The following CA10 variants were observed in gnomAD, a reference collection of about 807,000 sequenced individuals.
The protein encoded by CA10 is carbonic anhydrase-related protein 10.
Under a neutral mutation model 44.2 loss-of-function variants are expected in CA10, and 14 were observed. The observed-to-expected ratio is 0.32, with a 90% CI of 0.21 to 0.50. The LOEUF (loss-of-function observed/expected upper bound fraction) is 0.50. Ranked by LOEUF, CA10 falls within the 20% of genes least tolerant of loss-of-function variation. The pLI is 0.99. For missense variants in CA10, 350 were observed against 409.7 expected, an observed-to-expected ratio of 0.85 and a Z score of 1.26; for synonymous variants, 159 against 141.6, an observed-to-expected ratio of 1.12 and a Z score of -0.87.
At chr17:52,042,375 G>A (rs909354656) in intron 2 of CA10, among the ~76,000 whole-genome samples, 2 of 151,702 alleles carry the variant, frequency 1.3e-5, no homozygotes, top group African/African-American at 4.8e-5. Flanking sequence ...GTACCTGCTG[G>A]TCAATTGTAT....
chr17:51,931,050 G>C lies in CA10; in HGVS notation c.219C>G (p.Thr73=). The part of the protein sequence containing the change: ...GKRQSPVNIE[T]SHMIFDPFLT... ...GAAAGGGGTCGAAGATCATGTGACT[G>C]GTCTCTATGTTGACTGGCGACTGCC... Residue 73 remains threonine, a synonymous_variant, in exon 3 of 9, where the codon ACC becomes ACG. Transcript: ENST00000451037. The C allele has an allele frequency of 6.2e-7, 1 of 1,613,586 alleles. No individual in the cohort carries two copies. Among genetic ancestry groups the C allele is most frequent in the East Asian group, 2.2e-5 (1 of 44,854 alleles).
intron 3 of CA10, among the ~76,000 whole-genome samples, chr17:51,862,830 A>C (rs1331694462): frequency 1.3e-5 from 2 of 151,906 alleles, no homozygotes; most frequent in Non-Finnish European, 2.9e-5. Context: ...AGAACAAACT[A>C]TCTGATGTCT....
intron 3 of CA10, among the ~76,000 whole-genome samples, chr17:51,852,132 C>T (rs565271497): frequency 6.6e-6 from 1 of 152,274 alleles, no homozygotes; most frequent in African/African-American, 2.4e-5. Flanking sequence ...GCCTTTAAAC[C>T]TTCCAGGGCC....
intron 4 of CA10, among the ~76,000 whole-genome samples, chr17:51,731,525 T>C (rs1456682117): frequency 1.3e-5 from 2 of 151,906 alleles, no homozygotes; most frequent in Non-Finnish European, 2.9e-5. Flanking sequence ...CTTCCTTTGG[T>C]GGTGGGGGGA....
At chr17:51,920,556 T>C (rs1982188893) in intron 3 of CA10, among the ~76,000 whole-genome samples, 1 of 152,170 alleles carries the variant, frequency 6.6e-6, no homozygotes, top group Non-Finnish European at 1.5e-5. Flanking sequence ...GAGACACTTA[T>C]GAAATACTAA....
intron 4 of CA10, among the ~76,000 whole-genome samples, chr17:51,738,234 A>C (rs1916977641): frequency 6.6e-6 from 1 of 152,226 alleles, no homozygotes; most frequent in African/African-American, 2.4e-5. Context: ...TTTCAGCAAA[A>C]GTTTATCGAT....
chr17:51,908,364 T>C (rs1230473271), intron 3 of CA10, among the ~76,000 whole-genome samples: 2 of 152,166 alleles, frequency 1.3e-5, no homozygotes, highest in African/African-American at 2.4e-5. Context: ...ATCTGAACTT[T>C]GCATTTCCGT....
chr17:51,691,255 C>T (rs1175990183), intron 4 of CA10, among the ~76,000 whole-genome samples: 1 of 152,134 alleles, frequency 6.6e-6, no homozygotes, highest in Non-Finnish European at 1.5e-5. Flanking sequence ...TATGTTTCAT[C>T]TTTTTGATAA....
intron 3 of CA10, among the ~76,000 whole-genome samples, chr17:51,781,302 T>C (rs2143677606): frequency 6.6e-6 from 1 of 152,364 alleles, no homozygotes; most frequent in Admixed American, 6.5e-5. Context: ...GTTCTTGACA[T>C]TTACTGAGTG....
chr17:51,759,136 G>A (rs1160761026), intron 3 of CA10, among the ~76,000 whole-genome samples: 1 of 152,150 alleles, frequency 6.6e-6, no homozygotes, highest in Admixed American at 6.5e-5. Context: ...GCCCCTCATT[G>A]TTGGTTGTCT....
chr17:51,917,645 C>A (rs1982057374), intron 3 of CA10, among the ~76,000 whole-genome samples: 1 of 152,058 alleles, frequency 6.6e-6, no homozygotes, highest in Non-Finnish European at 1.5e-5. Flanking sequence ...GGAACAAGAG[C>A]CAGTAAGGAA....
chr17:51,978,817 C>T (rs975351879), intron 2 of CA10, among the ~76,000 whole-genome samples: 12 of 152,086 alleles, frequency 7.9e-5, no homozygotes, highest in African/African-American at 2.4e-4. Flanking sequence ...AGTCATTGCC[C>T]ATCTCTGGGT....
intron 4 of CA10, among the ~76,000 whole-genome samples, chr17:51,688,144 G>A (rs958642481): frequency 1.3e-5 from 2 of 152,182 alleles, no homozygotes; most frequent in African/African-American, 4.8e-5. Flanking sequence ...CCAGCCATCA[G>A]CCAGCACTGA....
At chr17:51,795,670 G>A (rs1165388271) in intron 3 of CA10, among the ~76,000 whole-genome samples, 2 of 152,126 alleles carry the variant, frequency 1.3e-5, no homozygotes, top group Non-Finnish European at 2.9e-5. Context: ...GGAGGTAAAG[G>A]ACCCAAGTGC....
intron 1 of CA10, among the ~76,000 whole-genome samples, chr17:52,084,886 G>A (rs959503788): frequency 1.1e-4 from 17 of 152,168 alleles, no homozygotes; most frequent in Admixed American, 6.5e-4. Context: ...GTTAGAAAAT[G>A]TATAAGAGTT....
At chr17:51,966,222 C>T (rs73348643) in intron 2 of CA10, among the ~76,000 whole-genome samples, 6,589 of 151,528 alleles carry the variant, frequency 0.043, 497 homozygotes, top group African/African-American at 0.15. Flanking sequence ...ATGACACAGA[C>T]GGAAGAACAT....
intron 3 of CA10, among the ~76,000 whole-genome samples, chr17:51,867,967 CA>C (rs567983990): frequency 9.7e-4 from 147 of 152,112 alleles, no homozygotes; most frequent in Non-Finnish European, 1.8e-3. Flanking sequence ...GATGATGATC[CA>C]CTGTTTCTAC....
At chr17:51,792,998 G>A (rs1452329303) in intron 3 of CA10, among the ~76,000 whole-genome samples, 1 of 152,188 alleles carries the variant, frequency 6.6e-6, no homozygotes, top group Non-Finnish European at 1.5e-5. Context: ...AATGCAGACC[G>A]TTAAGGAACT....
At chr17:51,660,147 T>TGTTTATTGAACAACTCCTAAGTAAG (rs1913946591) in intron 4 of CA10, among the ~76,000 whole-genome samples, 1 of 152,206 alleles carries the variant, frequency 6.6e-6, no homozygotes. Flanking sequence ...ATTCAACATG[T>TGTTTATTGAACAACTCCTAAGTAAG]GTTTATTGAA....
Sources: allele counts gnomAD v4.1 joint callset (sites outside exome capture counted in the v4.1 genomes callset), GRCh38; gene constraint gnomAD v4.1.1; transcripts MANE v1.5; gene names NCBI Gene and HGNC (gene_info 2026-07-23, HGNC 2026-07-21).